The following UNC13D variants were observed in gnomAD, a reference collection of about 807,000 sequenced individuals.
UNC13D encodes the protein unc-13 homolog D.
UNC13D carries 115 observed loss-of-function variants against 151.7 expected under a neutral mutation model. The observed-to-expected ratio is 0.76, with a 90% CI of 0.65 to 0.88. The LOEUF (loss-of-function observed/expected upper bound fraction) is 0.88, where lower values mean the gene tolerates loss of function less well. Ranked by LOEUF, UNC13D falls within the 40% of genes least tolerant of loss-of-function variation. UNC13D has a pLI of 0.00. For missense variants in UNC13D, 1,369 were observed against 1,438.7 expected (o/e 0.95, Z 0.78); for synonymous variants, 588 against 612.2 (o/e 0.96, Z 0.58).
Position 75,840,179 on chromosome 17 carries a change from C to A in UNC13D, c.858+46G>T, listed in dbSNP as rs776301674. 3 of 1,612,290 alleles carry A rather than the reference C, an allele frequency of 1.9e-6. No individual in the cohort carries two copies. Among genetic ancestry groups the A allele is most frequent in the Non-Finnish European group, 2.5e-6 (3 of 1,178,954 alleles). ...GCAGCCAGCCCCGCAACCCAGCAGA[C>A]CGCCGCAAGAGCTGGGCATGGCCAC... On this transcript the variant is annotated intron_variant, in intron 10 of 31. Transcript: ENST00000207549. The surrounding 1 kb of genome is among the most constrained non-coding windows in gnomAD (Gnocchi z 4.6).
rs2064912682 is a variant in UNC13D at position 75,836,829 on chromosome 17, C to T, written c.1145G>A (p.Trp382Ter). ...LHPITSIEYQWIQGRLKAEQQ... is the reference protein window; with the variant it reads ...LHPITSIEYQ Reference sequence around the variant, plus strand: ...TTCTGCCTTGAGCCGACCCTGGATCCACTGGTACTCGATGCTGGTGATGGG... The same window carrying T: ...TTCTGCCTTGAGCCGACCCTGGATCTACTGGTACTCGATGCTGGTGATGGG... The change falls in exon 13 of 32, where the codon TGG (tryptophan) becomes TAG (stop). Residue 382 changes from tryptophan (W) to a stop codon, truncating the protein, a stop_gained. Coordinates refer to ENST00000207549, the MANE Select transcript of UNC13D (RefSeq NM_199242.3). LOFTEE classifies it high-confidence loss of function. 1 of 1,613,988 alleles carries T rather than the reference C, an allele frequency of 6.2e-7. No homozygotes were observed. The highest frequency in any genetic ancestry group is 8.5e-7 in the Non-Finnish European group (1 of 1,180,038).
In UNC13D at chr17:75,830,649, C is replaced by A; in HGVS notation, c.2638G>T (p.Asp880Tyr). 1 of 1,554,218 alleles carries A rather than the reference C, an allele frequency of 6.4e-7. No individual in the cohort carries two copies. The highest frequency in any genetic ancestry group is 8.7e-7 in the Non-Finnish European group (1 of 1,149,120). Reference protein sequence around the residue: ...HTATFQALQRDLELQAASSRE... With the variant: ...HTATFQALQRYLELQAASSRE... Reference sequence around the variant, plus strand: ...CTGGAGGCCGCCTGCAGCTCCAGGTCCCTCTGCAGAGCCTGGGAACACATA... The same window carrying A: ...CTGGAGGCCGCCTGCAGCTCCAGGTACCTCTGCAGAGCCTGGGAACACATA... Residue 880 changes from aspartate (D) to tyrosine (Y), a missense_variant, in exon 28 of 32, where the codon GAC becomes TAC. Physicochemically the swap from Asp to Tyr is radical, Grantham distance 160. This residue lies in a region of UNC13D where 807 missense variants were observed against 795.5 expected (regional missense o/e 1.01). Transcript: ENST00000207549.
chr17:75,842,424 G>A lies in UNC13D; in HGVS notation c.569+9C>T, dbSNP rs761672422. The A allele has an allele frequency of 3.7e-6, 6 of 1,608,386 alleles. No individual in the cohort carries two copies. The highest frequency in any genetic ancestry group is 5.1e-6 in the Non-Finnish European group (6 of 1,176,436). On this transcript the variant is annotated intron_variant, in intron 6 of 31. Transcript: ENST00000207549. ...TGGATAGAGTGGGGGCTGGAGCACG[G>A]CCACGTACAGGATGAAGGTCTCGTC...
In UNC13D at chr17:75,835,290, C is replaced by T. The variant is rs1038499224; in HGVS notation, c.1848+119G>A. The T allele has an allele frequency of 5.7e-6, 8 of 1,412,926 alleles. No individual in the cohort carries two copies. In the Admixed American group the frequency reaches 1.2e-4, roughly 22 times the overall value. 87.5% of individuals were successfully genotyped at this position (1,412,926 alleles called of 1,614,324 possible). On this transcript the variant is annotated intron_variant, in intron 20 of 31. Coordinates refer to ENST00000207549, the MANE Select transcript of UNC13D (RefSeq NM_199242.3). Reference sequence around the variant, plus strand: ...TTTTGCACAAAACTGGACTCAAGTGCACCCAAAAGGGATGTTCAGAGCGGG... The same window carrying T: ...TTTTGCACAAAACTGGACTCAAGTGTACCCAAAAGGGATGTTCAGAGCGGG...
rs1226539243 is a variant in UNC13D at position 75,827,285 on chromosome 17, C to T, written c.*680G>A. ...TTTTGCTAAGAAAGTTTCTAGGTGG[C>T]AGGTGCTGTCCGGGGAGGGGGCGTG... On this transcript the variant is annotated 3_prime_UTR_variant, in exon 32 of 32. Transcript: ENST00000207549. 1 of 490,332 alleles carries T rather than the reference C, an allele frequency of 2.0e-6. No homozygotes were observed. The highest frequency in any genetic ancestry group is 2.0e-5 in the African/African-American group (1 of 50,770). 30.4% of individuals were successfully genotyped at this position (490,332 alleles called of 1,614,324 possible). A position where few individuals can be genotyped will look rare whatever the true frequency, so the allele number is the denominator to read the frequency against.
rs765184565 is a variant in UNC13D, at chr17:75,834,999, G to A, written c.1913C>T (p.Ala638Val). Residue 638 changes from alanine (A) to valine (V), a missense_variant, in exon 21 of 32, where the codon GCC becomes GTC. Coordinates refer to ENST00000207549, the MANE Select transcript of UNC13D (RefSeq NM_199242.3). ...TSAVDLSTCF[A>V]QISHTARQLD... ...CTGCCGGGCAGTGTGGCTGATCTGGGCAAAGCAGGTGGATAGATCCACCGC... is the reference window on the plus strand; with the variant it reads ...CTGCCGGGCAGTGTGGCTGATCTGGACAAAGCAGGTGGATAGATCCACCGC... 13 of 1,614,080 alleles carry A rather than the reference G, an allele frequency of 8.1e-6. 1 individual carries two copies. In the South Asian group the frequency reaches 1.3e-4, roughly 16 times the overall value.
Position 75,828,098 on chromosome 17 carries a change from G to C in UNC13D, c.3152-12C>G. Reference sequence around the variant, plus strand: ...CAGGATTGGGTCCCCTGCGGAGAGAGGGGTTTGGGGGTCAGATGCCAGGGG... The same window carrying C: ...CAGGATTGGGTCCCCTGCGGAGAGACGGGTTTGGGGGTCAGATGCCAGGGG... On this transcript the variant is annotated splice_polypyrimidine_tract_variant and intron_variant, in intron 31 of 31. Coordinates refer to ENST00000207549, the MANE Select transcript of UNC13D (RefSeq NM_199242.3). 1 of 1,570,266 alleles carries C rather than the reference G, an allele frequency of 6.4e-7. No homozygotes were observed.
In UNC13D at chr17:75,827,423, CCTG is replaced by C; in HGVS notation, c.*539_*541del. The C allele has an allele frequency of 2.8e-6, 4 of 1,419,136 alleles. No homozygotes were observed. The highest frequency in any genetic ancestry group is 2.9e-5 in the Admixed American group (1 of 34,666). 87.9% of individuals were successfully genotyped at this position (1,419,136 alleles called of 1,614,324 possible). On this transcript the variant is annotated 3_prime_UTR_variant, in exon 32 of 32. Coordinates refer to ENST00000207549, the MANE Select transcript of UNC13D (RefSeq NM_199242.3). ...CCAGAAGGTTCTTGGCTCCAGGCTTCCTGGCCTGGATGCTGGCAGCCCCTGGGG... is the reference window on the plus strand; with the variant it reads ...CCAGAAGGTTCTTGGCTCCAGGCTTCGCCTGGATGCTGGCAGCCCCTGGGG...
rs761730323 is a variant in UNC13D at position 75,830,578 on chromosome 17, C to A, written c.2709G>T (p.Gln903His). Residue 903 changes from glutamine (Q) to histidine (H), a missense_variant and splice_region_variant, in exon 28 of 32, where the codon CAG becomes CAT. By Grantham distance (24) the Gln-to-His change is conservative (BLOSUM62 0). Transcript: ENST00000207549. ...GCGCAGTGCGAGGGAGGGGCCTCAC[C>A]TGCTGCTGGATTCGGCTGCAGAAGT... ...RKYFCSRIQQ[Q>H]AETTSEELGA... is the part of the protein sequence containing the mutation. The A allele has an allele frequency of 6.4e-7, 1 of 1,563,170 alleles. No individual in the cohort carries two copies.
intron 12 of UNC13D, 148 bp downstream of exon 12, chr17:75,839,691 A>T: frequency 1.2e-6 from 1 of 868,906 alleles, no homozygotes. Flanking sequence ...GACTTTTTAA[A>T]ATTGGCAACT....
At position 75,832,986 on chromosome 17, in the gene UNC13D, C is replaced by T. The variant is rs897575862; in HGVS notation, c.2427G>A (p.Leu809=). 16 of 1,595,118 alleles carry T rather than the reference C, an allele frequency of 1.0e-5. No homozygotes were observed. Among genetic ancestry groups the T allele is most frequent in the Non-Finnish European group, 1.4e-5 (16 of 1,171,758 alleles). The part of the protein sequence containing the change: ...EVELCYMNTN[L]VQENFSSLLT... ...CAGACCTGCTGAAGTTCTCCTGCAC[C>T]AAGTTGGTGTTCATGTAGCAAAGCT... The change falls in exon 25 of 32, where the codon TTG becomes TTA. Residue 809 remains leucine, a synonymous_variant. Transcript: ENST00000207549. This position sits in a 1 kb window ranked among gnomAD's most constrained non-coding sequence, Gnocchi z 4.3.
At chr17:75,838,754 A>T (rs2064926376) in intron 12 of UNC13D, among the ~76,000 whole-genome samples, 1 of 152,194 alleles carries the variant, frequency 6.6e-6, no homozygotes, top group Non-Finnish European at 1.5e-5. Flanking sequence ...AGTGGGCCCA[A>T]TGGCAGCCAT....
At chr17:75,841,063 T>TA in intron 6 of UNC13D, 62 bp from the exon 7 acceptor site, 1 of 1,597,622 alleles carries the variant, frequency 6.3e-7, no homozygotes, top group Non-Finnish European at 8.6e-7. Flanking sequence ...GACGAAGCAG[T>TA]AAGTGACCAC....
intron 30 of UNC13D, among the ~76,000 whole-genome samples, 160 bp from the exon 31 acceptor site, chr17:75,829,143 G>A (rs186479769): frequency 1.4e-4 from 22 of 152,362 alleles, no homozygotes; most frequent in Admixed American, 1.2e-3. Flanking sequence ...TGCCTGCTCT[G>A]ACCGTGGGCT....
In UNC13D at chr17:75,828,916, T is replaced by G. The variant is rs753816739; in HGVS notation, c.3022A>C (p.Thr1008Pro). ...CCTTCCAGGTCGTCGGCCCCCAGCG[T>G]GTCGTAGTCCAGCACGGTGAGCAGG... ...CLLLTVLDYD[T>P]LGADDLEGEA... The change falls in exon 31 of 32, where the codon ACG becomes CCG. Residue 1008 changes from threonine (T) to proline (P), a missense_variant. By Grantham distance (38) the Thr-to-Pro change is conservative (BLOSUM62 -1). Transcript: ENST00000207549. 5.0e-6 allele frequency: 8 copies of G among 1,607,294 alleles called. No homozygotes were observed. In the Admixed American group the frequency reaches 6.7e-5, roughly 13 times the overall value.
At chr17:75,829,911 G>A (rs1258147470) in intron 30 of UNC13D, 117 bp downstream of exon 30, 2 of 1,492,086 alleles carry the variant, frequency 1.3e-6, no homozygotes, top group African/African-American at 1.4e-5. Flanking sequence ...CATCCCTTGG[G>A]CCCAAATGTG....
In UNC13D at chr17:75,833,655, T is replaced by C. The variant is rs2064887467; in HGVS notation, c.2367+420A>G. 6.6e-6 allele frequency among the ~76,000 whole-genome samples: 1 copy of C among 152,222 alleles called. No homozygotes were observed. Among genetic ancestry groups the C allele is most frequent in the African/African-American group, 2.4e-5 (1 of 41,460 alleles). On this transcript the variant is annotated intron_variant, in intron 24 of 31. Transcript: ENST00000207549. The surrounding 1 kb of genome is among the most constrained non-coding windows in gnomAD (Gnocchi z 4.0). ...TTGTTCACTGACCTATCCCCAGTGC[T>C]TAAATCAATGCATAGGACAAAGTGG...
At position 75,842,849 on chromosome 17, in the gene UNC13D, A is replaced by C. The variant is rs534265662; in HGVS notation, c.388+8T>G. On this transcript the variant is annotated splice_region_variant and intron_variant, in intron 5 of 31. Coordinates refer to ENST00000207549, the MANE Select transcript of UNC13D (RefSeq NM_199242.3). ...AGAAGCCCCTTGGGGACCCCACCCC[A>C]TGCTCACCACTGACATCTTTGCCCA... The C allele has an allele frequency of 3.7e-6, 6 of 1,613,204 alleles. No homozygotes were observed. The South Asian group carries it at 5.5e-5, about 15-fold the overall frequency.
intron 12 of UNC13D, 150 bp downstream of exon 12, chr17:75,839,689 A>T (rs1050323129): frequency 9.3e-6 from 8 of 857,542 alleles, no homozygotes; most frequent in Non-Finnish European, 1.5e-5. Context: ...TAGACTTTTT[A>T]AAATTGGCAA....
Sources: allele counts gnomAD v4.1 joint callset (sites outside exome capture counted in the v4.1 genomes callset), GRCh38; gene constraint gnomAD v4.1.1; regional missense constraint gnomAD v4.1.1; non-coding constraint Gnocchi (gnomAD v3.1); transcripts MANE v1.5; gene names NCBI Gene and HGNC (gene_info 2026-07-23, HGNC 2026-07-21).